RNF216: variants seen among roughly 807,000 people sequenced by gnomAD.
RNF216 encodes E3 ubiquitin-protein ligase RNF216.
Under a neutral mutation model 110.8 loss-of-function variants are expected in RNF216, and 72 were observed. The ratio of observed to expected loss-of-function variants is 0.65; its 90% confidence interval spans 0.54 to 0.79. The LOEUF (loss-of-function observed/expected upper bound fraction) is 0.79, where lower values mean the gene tolerates loss of function less well. RNF216 is among the 30% of genes least tolerant of loss of function. The pLI, the probability that RNF216 is intolerant of heterozygous loss-of-function variation, is 0.00. For missense variants in RNF216, 1,342 were observed against 1,141.2 expected, an observed-to-expected ratio of 1.18 and a Z score of -2.54; for synonymous variants, 495 against 407.5, an observed-to-expected ratio of 1.21 and a Z score of -2.59.
At chr7:5,753,665 T>A (rs1403462033) in intron 2 of RNF216, among the ~76,000 whole-genome samples, 1 of 152,174 alleles carries the variant, frequency 6.6e-6, no homozygotes, top group Non-Finnish European at 1.5e-5. Context: ...TCCTGTCTAG[T>A]TCCATGGGAA....
At chr7:5,776,856 G>C (rs192292147) in intron 1 of RNF216, among the ~76,000 whole-genome samples, 1 of 134,094 alleles carries the variant, frequency 7.5e-6, no homozygotes, top group African/African-American at 2.8e-5. Context: ...AGCTGATATT[G>C]TGCCACTGCA....
In RNF216 at chr7:5,648,916, T is replaced by C. The variant is rs76196077; in HGVS notation, c.2159+3497A>G. 2.0e-3 allele frequency among the ~76,000 whole-genome samples: 300 copies of C among 152,248 alleles called. 2 individuals are homozygous for C. The highest frequency in any genetic ancestry group is 0.01 in the Middle Eastern group (3 of 294). ...ACATGTAAAGCTAATTTGAGATAAT[T>C]AGTGGAACTGTGAAGTTGGTATGAG... On this transcript the variant is annotated intron_variant, in intron 14 of 16. Transcript: ENST00000389902.
rs570941894 is a variant in RNF216, at chr7:5,670,931, T to C, written c.2062-18421A>G. Reference sequence around the variant, plus strand: ...AAGGTCTTCCCAAGACGAACCACCATGCCTCTCCCTTCCCTAGGAGGCCTA... The same window carrying C: ...AAGGTCTTCCCAAGACGAACCACCACGCCTCTCCCTTCCCTAGGAGGCCTA... On this transcript the variant is annotated intron_variant, in intron 13 of 16. Transcript: ENST00000389902. Among the ~76,000 whole-genome samples, 14 of 152,338 alleles carry C rather than the reference T, an allele frequency of 9.2e-5. No individual in the cohort carries two copies. The South Asian group carries it at 1.9e-3, about 20-fold the overall frequency.
At chr7:5,663,906 A>G (rs948808555) in intron 13 of RNF216, among the ~76,000 whole-genome samples, 2 of 152,058 alleles carry the variant, frequency 1.3e-5, no homozygotes, top group African/African-American at 2.4e-5. Context: ...TCAAAAAAAC[A>G]AAACAAAACA....
In RNF216 at chr7:5,762,409, G is replaced by A. The variant is rs548297605; in HGVS notation, c.-69-1271C>T. On this transcript the variant is annotated intron_variant, in intron 1 of 16. Transcript: ENST00000389902. ...GCGGTGGCTCAAGCCTGTAATCCCA[G>A]CACTTTGGGAGGCTGAGATAGGCGG... Among the ~76,000 whole-genome samples, 15 of 151,746 alleles carry A rather than the reference G, an allele frequency of 9.9e-5. No individual in the cohort carries two copies. In the South Asian group the frequency reaches 3.1e-3, roughly 32 times the overall value.
At chr7:5,777,380 G>T (rs1259609343) in intron 1 of RNF216, 1 of 152,240 alleles carries the variant, frequency 6.6e-6, no homozygotes, top group Non-Finnish European at 1.5e-5. Flanking sequence ...TCTAGCCAAT[G>T]GGAAGCAATG....
At chr7:5,648,040 A>G (rs1009395321) in intron 14 of RNF216, among the ~76,000 whole-genome samples, 1 of 152,042 alleles carries the variant, frequency 6.6e-6, no homozygotes, top group Non-Finnish European at 1.5e-5. Context: ...TTTGAGATGC[A>G]CAGAGCCACC....
intron 13 of RNF216, among the ~76,000 whole-genome samples, chr7:5,690,177 A>AT (rs1428833789): frequency 1.3e-5 from 2 of 150,886 alleles, no homozygotes; most frequent in African/African-American, 4.9e-5. Context: ...AATACAAAAA[A>AT]TTAGCCAGGC....
chr7:5,738,360 G>A (rs1291278698), intron 5 of RNF216, among the ~76,000 whole-genome samples: 1 of 152,016 alleles, frequency 6.6e-6, no homozygotes, highest in Non-Finnish European at 1.5e-5. Context: ...CAAAGTGCCA[G>A]AATTAAAGGT....
chr7:5,761,474 G>A (rs1172989845), intron 1 of RNF216, among the ~76,000 whole-genome samples: 1 of 152,048 alleles, frequency 6.6e-6, no homozygotes, highest in South Asian at 2.1e-4. Context: ...TAATAATCAG[G>A]GAAAGGCAAA....
At chr7:5,699,495 T>C (rs984728954) in intron 13 of RNF216, among the ~76,000 whole-genome samples, 9 of 152,240 alleles carry the variant, frequency 5.9e-5, no homozygotes, top group African/African-American at 2.2e-4. Flanking sequence ...CAAGCTATTC[T>C]TCCCATACTG....
intron 13 of RNF216, among the ~76,000 whole-genome samples, chr7:5,673,883 CAG>C (rs1450088208): frequency 8.4e-6 from 1 of 118,986 alleles, no homozygotes; most frequent in East Asian, 2.7e-4. Flanking sequence ...TTTTTTGAGA[CAG>C]AGTCTTGCTC....
At chr7:5,659,903 G>C (rs1032638372) in intron 13 of RNF216, among the ~76,000 whole-genome samples, 1 of 151,628 alleles carries the variant, frequency 6.6e-6, no homozygotes, top group African/African-American at 2.4e-5. Flanking sequence ...TATGGCTTCA[G>C]AAAGGGACTT....
intron 5 of RNF216, among the ~76,000 whole-genome samples, chr7:5,735,213 T>C (rs893231547): frequency 1.1e-4 from 16 of 152,114 alleles, no homozygotes; most frequent in African/African-American, 3.9e-4. Context: ...TCTAAAGTCG[T>C]TTCAAACTGA....
intron 15 of RNF216, among the ~76,000 whole-genome samples, chr7:5,634,761 G>T (rs1428913232): frequency 6.6e-6 from 1 of 152,252 alleles, no homozygotes; most frequent in Non-Finnish European, 1.5e-5. Context: ...TCACCCAGGG[G>T]CCTGGTGGGA....
rs191594406 is a variant in RNF216 at position 5,718,345 on chromosome 7, C to G, written c.1645-1579G>C. Among the ~76,000 whole-genome samples the G allele has an allele frequency of 8.3e-4, 126 of 152,304 alleles. 1 individual carries two copies. The Middle Eastern group carries it at 0.017, about 21-fold the overall frequency. ...GCAGTGAGCCGAGATCCTGCCACTG[C>G]ACTCCAGCCTGGGTGACAAAGCGAG... On this transcript the variant is annotated intron_variant, in intron 9 of 16. Transcript: ENST00000389902.
chr7:5,681,098 T>A (rs1790623702), intron 13 of RNF216, among the ~76,000 whole-genome samples: 1 of 152,136 alleles, frequency 6.6e-6, no homozygotes, highest in Non-Finnish European at 1.5e-5. Context: ...CTCAACAGCT[T>A]GTCCCTGGCT....
At chr7:5,623,828 G>A (rs903215230) in intron 16 of RNF216, among the ~76,000 whole-genome samples, 2 of 152,128 alleles carry the variant, frequency 1.3e-5, no homozygotes, top group Non-Finnish European at 2.9e-5. Flanking sequence ...CACCCCTTGG[G>A]ACTTCCTCAC....
At chr7:5,766,436 G>C (rs1796212704) in intron 1 of RNF216, among the ~76,000 whole-genome samples, 1 of 152,160 alleles carries the variant, frequency 6.6e-6, no homozygotes, top group South Asian at 2.1e-4. Context: ...TCTGTGGGAG[G>C]TGATTAGAAT....
Sources: gnomAD v4.1 joint callset for allele counts (sites outside exome capture counted in the v4.1 genomes callset) on GRCh38, gnomAD v4.1.1 for gene constraint, MANE v1.5 for transcripts, NCBI Gene and HGNC (gene_info 2026-07-23, HGNC 2026-07-21) for gene names.